Variants in ZNF704 observed in about 807,000 individuals in gnomAD.
ZNF704 encodes the protein zinc finger protein 704.
Under a neutral mutation model 44.7 loss-of-function variants are expected in ZNF704, and 10 were observed. That is an observed-to-expected ratio of 0.22 (90% confidence interval 0.14 to 0.38). The LOEUF (loss-of-function observed/expected upper bound fraction) is 0.38, where lower values mean the gene tolerates loss of function less well. Among genes scored for constraint, ZNF704 ranks in the 10% least tolerant of loss-of-function variants. ZNF704 has a pLI of 1.00. For synonymous variants in ZNF704, 211 were observed against 207.6 expected (o/e 1.02, Z -0.14); for missense variants, 390 against 545.5 (o/e 0.71, Z 2.84).
intron 2 of ZNF704, among the ~76,000 whole-genome samples, chr8:80,778,791 T>G (rs760220760): frequency 6.6e-6 from 1 of 152,006 alleles, no homozygotes; most frequent in Non-Finnish European, 1.5e-5. Flanking sequence ...CACTTACAAG[T>G]GGGAGCTAAA....
At chr8:80,861,749 T>G (rs755832358) in intron 1 of ZNF704, among the ~76,000 whole-genome samples, 2 of 151,758 alleles carry the variant, frequency 1.3e-5, no homozygotes, top group Non-Finnish European at 2.9e-5. Context: ...GGCCCATGTC[T>G]TTTGAATTTC....
chr8:80,821,433 G>A lies in ZNF704; in HGVS notation c.162C>T (p.Ile54=). The A allele has an allele frequency of 6.2e-7, 1 of 1,614,194 alleles. No individual in the cohort carries two copies. Among genetic ancestry groups the A allele is most frequent in the African/African-American group, 1.3e-5 (1 of 75,056 alleles). The change falls in exon 2 of 9, where the codon ATC becomes ATT. Residue 54 remains isoleucine, a synonymous_variant. Transcript: ENST00000327835. The part of the protein sequence containing the change: ...LDHEKENTRS[I]CLLEQKRKVV... The stretch of plus-strand genomic sequence containing the variant: ...CTTTTCTTTTTTGCTCAAGGAGACA[G>A]ATGGAGCGAGTGTTTTCTTTTTCAT...
At chr8:80,812,873 T>C (rs1808112570) in intron 2 of ZNF704, among the ~76,000 whole-genome samples, 1 of 152,238 alleles carries the variant, frequency 6.6e-6, no homozygotes, top group African/African-American at 2.4e-5. Context: ...TGCCTTTCTA[T>C]AATAAAAGCA....
chr8:80,838,060 C>T (rs1808611298), intron 1 of ZNF704, among the ~76,000 whole-genome samples: 1 of 152,186 alleles, frequency 6.6e-6, no homozygotes, highest in South Asian at 2.1e-4. Context: ...CTCATCTCCC[C>T]AGAGCCCACT....
chr8:80,710,934 T>G (rs1563527409), intron 2 of ZNF704, among the ~76,000 whole-genome samples: 1 of 152,198 alleles, frequency 6.6e-6, no homozygotes, highest in Non-Finnish European at 1.5e-5. Context: ...GGAGGGAGGT[T>G]GGTAAGAATT....
At chr8:80,768,955 C>A (rs1173656201) in intron 2 of ZNF704, among the ~76,000 whole-genome samples, 4 of 152,164 alleles carry the variant, frequency 2.6e-5, no homozygotes, top group Non-Finnish European at 4.4e-5. Context: ...ATATCACAAG[C>A]TAAGACCTTG....
chr8:80,796,568 C>T (rs1320685959), intron 2 of ZNF704, among the ~76,000 whole-genome samples: 1 of 152,214 alleles, frequency 6.6e-6, no homozygotes, highest in Non-Finnish European at 1.5e-5. Flanking sequence ...TATTCATTCC[C>T]TCCCCATAGC....
chr8:80,872,781 C>T (rs1586090716), intron 1 of ZNF704, among the ~76,000 whole-genome samples: 1 of 152,266 alleles, frequency 6.6e-6, no homozygotes, highest in East Asian at 1.9e-4. Context: ...CAGGGGACTT[C>T]GCTAGAATTC....
intron 2 of ZNF704, among the ~76,000 whole-genome samples, chr8:80,753,218 T>C (rs1334505245): frequency 2.0e-5 from 3 of 151,930 alleles, no homozygotes; most frequent in Non-Finnish European, 4.4e-5. Flanking sequence ...GAGATGAGAG[T>C]GCAAAGCAAA....
chr8:80,696,861 G>A (rs535872054), intron 2 of ZNF704, among the ~76,000 whole-genome samples: 5 of 152,168 alleles, frequency 3.3e-5, no homozygotes, highest in Non-Finnish European at 5.9e-5. Flanking sequence ...CCTAGGGGAC[G>A]CTGAACAAAC....
At chr8:80,728,732 G>A (rs80170165) in intron 2 of ZNF704, among the ~76,000 whole-genome samples, 3,079 of 152,226 alleles carry the variant, frequency 0.02, 109 homozygotes, top group African/African-American at 0.07. Flanking sequence ...GGTAAAACCT[G>A]CAAAAATTTT....
intron 2 of ZNF704, among the ~76,000 whole-genome samples, chr8:80,708,188 T>C (rs529127602): frequency 2.0e-5 from 3 of 152,352 alleles, no homozygotes; most frequent in Admixed American, 1.3e-4. Context: ...CTAAGCACTA[T>C]GAAATCAAAT....
chr8:80,717,928 A>G (rs944071180), intron 2 of ZNF704, among the ~76,000 whole-genome samples: 1 of 152,204 alleles, frequency 6.6e-6, no homozygotes, highest in African/African-American at 2.4e-5. Flanking sequence ...ACATATTTAC[A>G]GAGCTGAACT....
At chr8:80,782,658 G>C (rs571884259) in intron 2 of ZNF704, among the ~76,000 whole-genome samples, 39 of 152,242 alleles carry the variant, frequency 2.6e-4, no homozygotes, top group Non-Finnish European at 3.4e-4. Context: ...CAGAAGAGGA[G>C]GACGACCAGG....
At chr8:80,815,983 A>T (rs531333030) in intron 2 of ZNF704, among the ~76,000 whole-genome samples, 28 of 152,170 alleles carry the variant, frequency 1.8e-4, no homozygotes, top group Non-Finnish European at 3.5e-4. Context: ...CCTTCCCAGC[A>T]ACTCTGTGAG....
intron 1 of ZNF704, among the ~76,000 whole-genome samples, chr8:80,843,861 T>C (rs1266441884): frequency 4.6e-5 from 7 of 151,964 alleles, no homozygotes. Context: ...GAGCATTCGC[T>C]TGAAAAGTCA....
At chr8:80,726,858 GAC>G (rs1384306022) in intron 2 of ZNF704, among the ~76,000 whole-genome samples, 5 of 136,100 alleles carry the variant, frequency 3.7e-5, no homozygotes, top group African/African-American at 1.1e-4. Context: ...CACACACACA[GAC>G]ACACACAGTT....
chr8:80,678,173 G>C (rs1299043711), intron 4 of ZNF704, among the ~76,000 whole-genome samples: 2 of 152,192 alleles, frequency 1.3e-5, no homozygotes, highest in African/African-American at 4.8e-5. Context: ...AAAGTGATTA[G>C]AAAACAATGT....
intron 4 of ZNF704, among the ~76,000 whole-genome samples, chr8:80,675,309 GA>G (rs1230967759): frequency 6.6e-6 from 1 of 152,204 alleles, no homozygotes; most frequent in Non-Finnish European, 1.5e-5. Flanking sequence ...GGTGTGTTTA[GA>G]ATGAAATGTG....
Sources: gnomAD v4.1 joint callset for allele counts (sites outside exome capture counted in the v4.1 genomes callset) on GRCh38, gnomAD v4.1.1 for gene constraint, MANE v1.5 for transcripts, NCBI Gene and HGNC (gene_info 2026-07-23, HGNC 2026-07-21) for gene names.